The following ADGRV1 variants were observed in gnomAD, a reference collection of about 807,000 sequenced individuals.
ADGRV1 encodes adhesion G protein-coupled receptor V1, also known as G-protein coupled receptor 98.
ADGRV1 carries 359 observed loss-of-function variants against 596.2 expected under a neutral mutation model. The observed-to-expected ratio is 0.60, with a 90% confidence interval of 0.55 to 0.66. The LOEUF is 0.66. Ranked by LOEUF, ADGRV1 falls within the 30% of genes least tolerant of loss-of-function variation. ADGRV1 has a pLI of 0.00. For missense variants in ADGRV1, 7,274 were observed against 7,575.6 expected, an observed-to-expected ratio of 0.96 and a Z score of 1.48; for synonymous variants, 2,681 against 2,679.2, an observed-to-expected ratio of 1.00 and a Z score of -0.02.
chr5:90,661,341 CAATT>C (rs1451738656), intron 21 of ADGRV1, among the ~76,000 whole-genome samples: 1 of 152,044 alleles, frequency 6.6e-6, no homozygotes, highest in South Asian at 2.1e-4. Context: ...GCTTAAGAAT[CAATT>C]AAAGACACTT....
At chr5:91,064,183 A>C (rs1787688066) in intron 85 of ADGRV1, among the ~76,000 whole-genome samples, 1 of 152,210 alleles carries the variant, frequency 6.6e-6, no homozygotes, top group Non-Finnish European at 1.5e-5. Flanking sequence ...CTGATTGTGC[A>C]AAGCCCTGGG....
rs1433699213 is a variant in ADGRV1, at chr5:90,810,316, A to G, written c.15056A>G (p.Asp5019Gly). The part of the protein sequence containing the change: ...TSSRNIIVSE[D>G]TQMIRLHVQR... ...TCAAGAAATATCATAGTGTCAGAAG[A>G]TACACAGATGATCAGATTACATGTA... Residue 5019 changes from aspartate to glycine, a missense_variant, in exon 74 of 90, where the codon GAT becomes GGT. Coordinates refer to ENST00000405460, the MANE Select transcript of ADGRV1 (RefSeq NM_032119.4). The G allele has an allele frequency of 6.2e-7, 1 of 1,610,982 alleles. No homozygotes were observed.
At chr5:90,850,596 A>T (rs931133868) in intron 79 of ADGRV1, 4 of 152,126 alleles carry the variant, frequency 2.6e-5, no homozygotes, top group African/African-American at 9.7e-5. Context: ...ACTATGTTCA[A>T]CTATTTTGTT....
chr5:90,927,894 G>T (rs377350592), intron 83 of ADGRV1, among the ~76,000 whole-genome samples: 2,038 of 152,010 alleles, frequency 0.013, 49 homozygotes, highest in African/African-American at 0.045. Flanking sequence ...CTTATGAAGC[G>T]TAGTTTGGCT....
intron 60 of ADGRV1, among the ~76,000 whole-genome samples, chr5:90,774,575 T>G (rs1165783592): frequency 6.6e-6 from 1 of 152,134 alleles, no homozygotes; most frequent in Non-Finnish European, 1.5e-5. Context: ...GTTTATAAAA[T>G]GTAAAATAAA....
intron 87 of ADGRV1, among the ~76,000 whole-genome samples, chr5:91,144,363 T>A (rs1222797730): frequency 6.6e-6 from 1 of 152,214 alleles, no homozygotes; most frequent in Non-Finnish European, 1.5e-5. Flanking sequence ...TGCAGTGCAG[T>A]GATGCAAACA....
chr5:90,718,734 A>C (rs1750495043), intron 43 of ADGRV1, among the ~76,000 whole-genome samples: 1 of 151,560 alleles, frequency 6.6e-6, no homozygotes, highest in Non-Finnish European at 1.5e-5. Flanking sequence ...TATTTTATTA[A>C]TTTTCTATTG....
At chr5:90,681,215 G>C in intron 26 of ADGRV1, 100 bp from the exon 27 acceptor site, 2 of 1,279,578 alleles carry the variant, frequency 1.6e-6, no homozygotes, top group Non-Finnish European at 2.2e-6. Flanking sequence ...TCAATGAATG[G>C]AAGGACTCTT....
chr5:91,156,672 C>T (rs948186974), intron 89 of ADGRV1, among the ~76,000 whole-genome samples: 2 of 152,008 alleles, frequency 1.3e-5, no homozygotes, highest in South Asian at 2.1e-4. Flanking sequence ...TGTAGAGTTC[C>T]CTGAACTCAC....
chr5:90,872,876 T>G (rs1768835147), intron 83 of ADGRV1, among the ~76,000 whole-genome samples: 1 of 152,234 alleles, frequency 6.6e-6, no homozygotes, highest in Non-Finnish European at 1.5e-5. Flanking sequence ...ATTTACTCTG[T>G]TACTATAGTA....
chr5:90,770,391 G>A (rs765248700), intron 59 of ADGRV1, among the ~76,000 whole-genome samples: 4 of 152,116 alleles, frequency 2.6e-5, no homozygotes, highest in Non-Finnish European at 4.4e-5. Flanking sequence ...TTTGGGTGGG[G>A]ACACAGCCAA....
chr5:90,963,364 A>G (rs563314853), intron 83 of ADGRV1, among the ~76,000 whole-genome samples: 5 of 152,298 alleles, frequency 3.3e-5, no homozygotes, highest in Admixed American at 2.6e-4. Flanking sequence ...CCTATAATAA[A>G]GGTCAGAATA....
At position 90,596,260 on chromosome 5, in the gene ADGRV1, C is replaced by A. The variant is rs567961970; in HGVS notation, c.23-18575C>A. 2.0e-5 allele frequency among the ~76,000 whole-genome samples: 3 copies of A among 151,738 alleles called. No homozygotes were observed. In the South Asian group the frequency reaches 6.3e-4, roughly 32 times the overall value. On this transcript the variant is annotated intron_variant, in intron 1 of 89. Transcript: ENST00000405460. ...GGCCGGGAAGAGGCGCTCCTCACTTCCCAGATAGGATGGCCGCCGGGCAGA... is the reference window on the plus strand; with the variant it reads ...GGCCGGGAAGAGGCGCTCCTCACTTACCAGATAGGATGGCCGCCGGGCAGA...
intron 41 of ADGRV1, among the ~76,000 whole-genome samples, 166 bp from the exon 42 acceptor site, chr5:90,712,121 G>T (rs1749442579): frequency 6.6e-6 from 1 of 151,996 alleles, no homozygotes; most frequent in African/African-American, 2.4e-5. Flanking sequence ...ACTTAATGTT[G>T]CCAATTTAAA....
At position 90,810,682 on chromosome 5, in the gene ADGRV1, C is replaced by G; in HGVS notation, c.15422C>G (p.Thr5141Ser). ...AGMDISFPET[T>S]VAVAVDTTLI... ...ATGGATATTTCCTTCCCCGAGACAA[C>G]TGTGGCTGTAGCAGTTGACACAACT... is the stretch of plus-strand genomic sequence containing the variant. The change falls in exon 74 of 90, where the codon ACT (threonine) becomes AGT (serine). Residue 5141 changes from threonine to serine, a missense_variant. Physicochemically the swap from Thr to Ser is moderately conservative, Grantham distance 58. This residue lies in a region of ADGRV1 where 1,874 missense variants were observed against 1,970.2 expected (regional missense o/e 0.95). Coordinates refer to ENST00000405460, the MANE Select transcript of ADGRV1 (RefSeq NM_032119.4). 6.2e-7 allele frequency: 1 copy of G among 1,613,980 alleles called. No homozygotes were observed. Among genetic ancestry groups the G allele is most frequent in the Non-Finnish European group, 8.5e-7 (1 of 1,179,888 alleles).
chr5:90,833,240 G>T (rs994762032), intron 77 of ADGRV1, among the ~76,000 whole-genome samples: 1 of 149,612 alleles, frequency 6.7e-6, no homozygotes, highest in Non-Finnish European at 1.5e-5. Context: ...TTAAATATCT[G>T]CATTTTTGTG....
chr5:90,672,130 C>G (rs1772565797), intron 21 of ADGRV1, among the ~76,000 whole-genome samples: 1 of 151,054 alleles, frequency 6.6e-6, no homozygotes, highest in African/African-American at 2.4e-5. Context: ...CAACCCCCAC[C>G]CCATTTGGTC....
chr5:90,806,971 GCCT>G (rs1761959657), intron 72 of ADGRV1, among the ~76,000 whole-genome samples: 1 of 151,904 alleles, frequency 6.6e-6, no homozygotes, highest in Admixed American at 6.6e-5. Context: ...TCCTGCCTCA[GCCT>G]CCTGAGTAGC....
chr5:91,057,967 A>G (rs1463869957), intron 85 of ADGRV1, among the ~76,000 whole-genome samples: 2 of 152,226 alleles, frequency 1.3e-5, no homozygotes, highest in Non-Finnish European at 2.9e-5. Flanking sequence ...TGTTCACTAA[A>G]CACTTGATTT....
Sources: allele counts gnomAD v4.1 joint callset (sites outside exome capture counted in the v4.1 genomes callset), GRCh38; gene constraint gnomAD v4.1.1; regional missense constraint gnomAD v4.1.1; transcripts MANE v1.5; gene names NCBI Gene and HGNC (gene_info 2026-07-23, HGNC 2026-07-21).